C8orf89: variants seen among roughly 807,000 people sequenced by gnomAD.
The protein encoded by C8orf89 is chromosome 8 open reading frame 89.
Under a neutral mutation model 15.8 loss-of-function variants are expected in C8orf89, and 14 were observed. That is an observed-to-expected ratio of 0.89 (90% CI 0.59 to 1.39). The LOEUF (loss-of-function observed/expected upper bound fraction) is 1.39. Among genes scored for constraint, C8orf89 ranks in the 40% most tolerant of loss-of-function variants. C8orf89 has a pLI of 0.00. For missense variants in C8orf89, 181 were observed against 184.5 expected (o/e 0.98, Z 0.11); for synonymous variants, 55 against 62.2 (o/e 0.88, Z 0.54).
At chr8:73,272,508 G>C in the C8orf89 span, among the ~76,000 whole-genome samples, 1 of 151,888 alleles carries the variant, frequency 6.6e-6, no homozygotes, top group Non-Finnish European at 1.5e-5. Flanking sequence ...ACAACGTGCA[G>C]GTTTATTATA....
the C8orf89 span, chr8:73,277,307 T>C: frequency 1.6e-6 from 1 of 623,354 alleles, no homozygotes; most frequent in South Asian, 2.3e-5. Context: ...ACACATCCAA[T>C]GAACGCAGAT....
chr8:73,269,480 A>C, the C8orf89 span, among the ~76,000 whole-genome samples: 2 of 152,250 alleles, frequency 1.3e-5, no homozygotes, highest in Admixed American at 1.3e-4. Context: ...AAAACTTTGA[A>C]CATTCATTAT....
chr8:73,273,322 A>C, the C8orf89 span, among the ~76,000 whole-genome samples: 1 of 152,242 alleles, frequency 6.6e-6, no homozygotes, highest in Non-Finnish European at 1.5e-5. Context: ...TGTAGGCTTC[A>C]AAGTGCTTGC....
the C8orf89 span, chr8:73,277,701 C>T: frequency 1.5e-4 from 114 of 751,706 alleles, 1 homozygote; most frequent in South Asian, 1.3e-3. Context: ...TCCTGATGTG[C>T]TCCTTTACCA....
the C8orf89 span, among the ~76,000 whole-genome samples, chr8:73,279,004 C>G: frequency 6.6e-6 from 1 of 152,192 alleles, no homozygotes; most frequent in Non-Finnish European, 1.5e-5. Context: ...TTGTACCAAA[C>G]TGTCCTAAGT....
At chr8:73,243,823 C>G (rs140126146) in intron 3 of C8orf89, among the ~76,000 whole-genome samples, 63 of 152,274 alleles carry the variant, frequency 4.1e-4, no homozygotes, top group African/African-American at 1.5e-3. Context: ...AGCCACCGCA[C>G]TCAGTTTTAA....
At chr8:73,284,093 CAG>C in the C8orf89 span, among the ~76,000 whole-genome samples, 29 of 148,574 alleles carry the variant, frequency 2.0e-4, 1 homozygote, top group Admixed American at 7.4e-4. Context: ...TTGTTTGTAA[CAG>C]GGAAAAATTG....
chr8:73,274,147 A>C, the C8orf89 span, among the ~76,000 whole-genome samples: 1 of 151,772 alleles, frequency 6.6e-6, no homozygotes, highest in Non-Finnish European at 1.5e-5. Context: ...AGTATACAGC[A>C]GACCATATTT....
At chr8:73,242,754 C>T in intron 3 of C8orf89, among the ~76,000 whole-genome samples, 1 of 152,070 alleles carries the variant, frequency 6.6e-6, no homozygotes, top group South Asian at 2.1e-4. Flanking sequence ...GGAGGTTTCT[C>T]AGAAAACCAA....
At chr8:73,248,523 C>T (rs1164614388) in intron 3 of C8orf89, among the ~76,000 whole-genome samples, 4 of 151,964 alleles carry the variant, frequency 2.6e-5, no homozygotes, top group Non-Finnish European at 5.9e-5. Flanking sequence ...CTATAAATTG[C>T]TTTGGGTAGT....
At chr8:73,265,458 G>A in the C8orf89 span, among the ~76,000 whole-genome samples, 1 of 152,206 alleles carries the variant, frequency 6.6e-6, no homozygotes, top group African/African-American at 2.4e-5. Flanking sequence ...GGACACTGTG[G>A]AACACAAAGA....
chr8:73,279,403 T>C, the C8orf89 span, among the ~76,000 whole-genome samples: 1 of 152,176 alleles, frequency 6.6e-6, no homozygotes, highest in Non-Finnish European at 1.5e-5. Context: ...GTAATATGAA[T>C]TCAGACCCCA....
chr8:73,247,792 AT>A (rs1323838088), intron 3 of C8orf89, among the ~76,000 whole-genome samples: 5 of 150,924 alleles, frequency 3.3e-5, no homozygotes, highest in African/African-American at 9.7e-5. Context: ...TAATGAGGTT[AT>A]TTTTTTCTTG....
the C8orf89 span, among the ~76,000 whole-genome samples, chr8:73,265,983 C>G: frequency 6.6e-6 from 1 of 152,178 alleles, no homozygotes; most frequent in East Asian, 1.9e-4. Context: ...TTCTCTCCAT[C>G]TCCACCCTAC....
intron 3 of C8orf89, among the ~76,000 whole-genome samples, chr8:73,249,180 A>G (rs1370944899): frequency 2.0e-5 from 3 of 152,148 alleles, no homozygotes; most frequent in African/African-American, 7.2e-5. Context: ...TGAGATAATC[A>G]TGTGGTTTTT....
chr8:73,271,425 G>A, the C8orf89 span, among the ~76,000 whole-genome samples: 1 of 152,124 alleles, frequency 6.6e-6, no homozygotes, highest in East Asian at 1.9e-4. Flanking sequence ...TTACATCTCA[G>A]GAGAGGGAGT....
chr8:73,256,726 C>CAAAAAAAAAAA (rs11288188), intron 2 of C8orf89, among the ~76,000 whole-genome samples: 28 of 43,702 alleles, frequency 6.4e-4, no homozygotes, highest in African/African-American at 2.1e-3. Flanking sequence ...GACTCTGTCT[C>CAAAAAAAAAAA]AAAAAAAAAA....
the C8orf89 span, among the ~76,000 whole-genome samples, chr8:73,264,590 A>G: frequency 6.6e-6 from 1 of 152,132 alleles, no homozygotes; most frequent in Non-Finnish European, 1.5e-5. Flanking sequence ...TCCCGGGTTC[A>G]TGTGATTCTT....
At chr8:73,265,251 A>G in the C8orf89 span, among the ~76,000 whole-genome samples, 2,854 of 152,336 alleles carry the variant, frequency 0.019, 56 homozygotes, top group Middle Eastern at 0.027. Flanking sequence ...TAAATTACAT[A>G]TGAAGCTAGC....
Sources: allele counts gnomAD v4.1 joint callset (sites outside exome capture counted in the v4.1 genomes callset), GRCh38; gene constraint gnomAD v4.1.1; transcripts MANE v1.5; gene names NCBI Gene and HGNC (gene_info 2026-07-23, HGNC 2026-07-21).